The following DNMT1 variants were observed in gnomAD, a reference collection of about 807,000 sequenced individuals.
The protein encoded by DNMT1 is DNA methyltransferase 1, also known as DNA (cytosine-5)-methyltransferase 1.
DNMT1 carries 24 observed loss-of-function variants against 205.3 expected under a neutral mutation model. The ratio of observed to expected loss-of-function variants is 0.12; its 90% CI spans 0.08 to 0.16. The LOEUF is 0.16. DNMT1 is among the 10% of genes least tolerant of loss of function. The pLI, the probability that DNMT1 is intolerant of heterozygous loss-of-function variation, is 1.00. For synonymous variants in DNMT1, 817 were observed against 839.8 expected, an observed-to-expected ratio of 0.97 and a Z score of 0.47; for missense variants, 1,293 against 2,177.7, an observed-to-expected ratio of 0.59 and a Z score of 8.09.
intron 11 of DNMT1, 23 bp from the exon 12 acceptor site, chr19:10,163,383 G>A: frequency 6.2e-7 from 1 of 1,612,990 alleles, no homozygotes; most frequent in South Asian, 1.1e-5. Context: ...TAAGGGGGAG[G>A]TAGAGAGATA....
chr19:10,191,380 A>C (rs975060513), intron 1 of DNMT1, among the ~76,000 whole-genome samples: 2 of 151,156 alleles, frequency 1.3e-5, no homozygotes, highest in African/African-American at 4.9e-5. Context: ...AAAAAAAAAA[A>C]GTCTGTGGAG....
chr19:10,186,838 C>CAAAAAAAAAAAAAAAAAAAAAAAAAAAAA (rs35238334), intron 1 of DNMT1, among the ~76,000 whole-genome samples: 3 of 70,688 alleles, frequency 4.2e-5, no homozygotes, highest in Admixed American at 1.8e-4. Flanking sequence ...AACTCCGTCT[C>CAAAAAAAAAAAAAAAAAAAAAAAAAAAAA]AAAAAAAAAA....
At chr19:10,177,492 T>C in intron 5 of DNMT1, 125 bp from the exon 6 acceptor site, 2 of 924,096 alleles carry the variant, frequency 2.2e-6, no homozygotes, top group Non-Finnish European at 3.3e-6. Context: ...GGACTAAGCA[T>C]CTTTGCATTT....
At chr19:10,194,078 C>T (rs2039354987) in intron 1 of DNMT1, among the ~76,000 whole-genome samples, 1 of 152,206 alleles carries the variant, frequency 6.6e-6, no homozygotes, top group Non-Finnish European at 1.5e-5. Flanking sequence ...AGCAAGACTT[C>T]CCTGATGCCC....
In DNMT1 at chr19:10,138,593, C is replaced by T. The variant is rs1197552228; in HGVS notation, c.3961G>A (p.Gly1321Ser). Residue 1321 changes from glycine to serine, a missense_variant, in exon 35 of 41, where the codon GGC becomes AGC. Transcript: ENST00000359526. The surrounding 1 kb of genome is among the most constrained non-coding windows in gnomAD (Gnocchi z 4.1). Reference sequence around the variant, plus strand: ...GCCCGCCTCCTAGTCTGGGCCACGCCGTACTGACCGGCCTGTGGGGGAGAA... The same window carrying T: ...GCCCGCCTCCTAGTCTGGGCCACGCTGTACTGACCGGCCTGTGGGGGAGAA... ...TFGVLQAGQYGVAQTRRRAII... is the reference protein window; with the variant it reads ...TFGVLQAGQYSVAQTRRRAII... The T allele has an allele frequency of 4.4e-6, 7 of 1,604,554 alleles. No individual in the cohort carries two copies. Among genetic ancestry groups the T allele is most frequent in the East Asian group, 2.2e-5 (1 of 44,894 alleles).
chr19:10,139,132 G>A (rs888636048), intron 34 of DNMT1, among the ~76,000 whole-genome samples: 7 of 152,208 alleles, frequency 4.6e-5, no homozygotes, highest in Non-Finnish European at 1.0e-4. Context: ...ATACAGAGAG[G>A]ATGGGGGATG....
chr19:10,167,836 T>A (rs1277001748), intron 10 of DNMT1, among the ~76,000 whole-genome samples: 1 of 152,080 alleles, frequency 6.6e-6, no homozygotes, highest in Non-Finnish European at 1.5e-5. Context: ...GCCCTGGGGT[T>A]GGGAGGAGAA....
chr19:10,180,950 A>C, intron 2 of DNMT1, 65 bp from the exon 3 acceptor site: 1 of 1,346,358 alleles, frequency 7.4e-7, no homozygotes, highest in South Asian at 1.2e-5. Flanking sequence ...GGACTAATAC[A>C]CAAATTATTG....
At chr19:10,142,334 T>C in intron 29 of DNMT1, 114 bp from the exon 30 acceptor site, 1 of 1,441,268 alleles carries the variant, frequency 6.9e-7, no homozygotes. Flanking sequence ...GACCCCCTAG[T>C]TCGAGAACCG....
chr19:10,136,169 G>C lies in DNMT1; in HGVS notation c.4608C>G (p.Asp1536Glu). 1 of 1,614,114 alleles carries C rather than the reference G, an allele frequency of 6.2e-7. No homozygotes were observed. Among genetic ancestry groups the C allele is most frequent in the Non-Finnish European group, 8.5e-7 (1 of 1,180,046 alleles). Residue 1536 changes from aspartate (D) to glutamate (E), a missense_variant, in exon 38 of 41, where the codon GAC becomes GAG. This residue lies in a region of DNMT1 where 5 missense variants were observed against 55.7 expected (regional missense o/e 0.09). Transcript: ENST00000359526. ...TGGTGACGGTTGTGCTGAAGAAGCCGTCCCACTCGAGCCTTCCATAGAGGC... is the reference window on the plus strand; with the variant it reads ...TGGTGACGGTTGTGCTGAAGAAGCCCTCCCACTCGAGCCTTCCATAGAGGC... ...WAGLYGRLEW[D>E]GFFSTTVTNP... is the part of the protein sequence containing the mutation.
Position 10,180,210 on chromosome 19 carries a change from G to A in DNMT1, c.470C>T (p.Ala157Val), listed in dbSNP as rs754419505. ...ACCTCTAATCCCAGTTACTTGGGAG[G>A]CTGAGGCAGGAGGGTCTCTTGAACC... is the stretch of plus-strand genomic sequence containing the variant. ...AKRSRDPPAS[A>V]SQVTGIRAEP... Residue 157 changes from alanine (A) to valine (V), a missense_variant, in exon 5 of 41, where the codon GCC becomes GTC. By Grantham distance (64) the Ala-to-Val change is moderately conservative. Coordinates refer to ENST00000359526, the MANE Select transcript of DNMT1 (RefSeq NM_001130823.3). 13 of 1,001,626 alleles carry A rather than the reference G, an allele frequency of 1.3e-5. No homozygotes were observed. The East Asian group carries it at 3.4e-4, about 26-fold the overall frequency. 62.0% of individuals were successfully genotyped at this position (1,001,626 alleles called of 1,614,324 possible). A position where few individuals can be genotyped will look rare whatever the true frequency, so the allele number is the denominator to read the frequency against.
chr19:10,182,554 T>C (rs2039089172), intron 1 of DNMT1, among the ~76,000 whole-genome samples: 1 of 149,076 alleles, frequency 6.7e-6, no homozygotes, highest in African/African-American at 2.5e-5. Flanking sequence ...TATGTGTATA[T>C]ATATATACAC....
intron 10 of DNMT1, among the ~76,000 whole-genome samples, chr19:10,167,974 T>G (rs2038729705): frequency 1.3e-5 from 2 of 151,758 alleles, no homozygotes; most frequent in Admixed American, 1.3e-4. Flanking sequence ...AATACGAAAA[T>G]TAGTTGGGCA....
Position 10,137,512 on chromosome 19 carries a change from A to G in DNMT1, c.4294-232T>C. ...TAAGCTGAGCCTTTAGGGTGGGGGA[A>G]GGGGAGTGGTGCCAGGGGATGGTGA... On this transcript the variant is annotated intron_variant, in intron 36 of 40. Transcript: ENST00000359526. The surrounding 1 kb of genome is among the most constrained non-coding windows in gnomAD (Gnocchi z 6.4). 1 of 640,848 alleles carries G rather than the reference A, an allele frequency of 1.6e-6. No individual in the cohort carries two copies. Among genetic ancestry groups the G allele is most frequent in the Non-Finnish European group, 2.7e-6 (1 of 371,104 alleles). 39.7% of individuals were successfully genotyped at this position (640,848 alleles called of 1,614,324 possible).
chr19:10,137,746 C>T lies in DNMT1; in HGVS notation c.4293+86G>A. On this transcript the variant is annotated intron_variant, in intron 36 of 40. Transcript: ENST00000359526. The surrounding 1 kb of genome is among the most constrained non-coding windows in gnomAD (Gnocchi z 6.4). Reference sequence around the variant, plus strand: ...GAGCCTGGGATCAGATTCCATGTCTCCCCTGAGTCTTGGGCAGGCTGACTG... The same window carrying T: ...GAGCCTGGGATCAGATTCCATGTCTTCCCTGAGTCTTGGGCAGGCTGACTG... 3.3e-6 allele frequency: 5 copies of T among 1,532,084 alleles called. 1 individual carries two copies. The highest frequency in any genetic ancestry group is 2.4e-5 in the South Asian group (2 of 84,616). 94.9% of individuals were successfully genotyped at this position (1,532,084 alleles called of 1,614,324 possible).
Position 10,140,694 on chromosome 19 carries a change from G to A in DNMT1, c.3523+87C>T. 1 of 1,606,800 alleles carries A rather than the reference G, an allele frequency of 6.2e-7. No homozygotes were observed. Among genetic ancestry groups the A allele is most frequent in the Non-Finnish European group, 8.5e-7 (1 of 1,174,512 alleles). Reference sequence around the variant, plus strand: ...CGGAAGGAGATTCTTGAGTCAGGAAGGTGACCGGGGTTGGAAGTCGTTTCA... The same window carrying A: ...CGGAAGGAGATTCTTGAGTCAGGAAAGTGACCGGGGTTGGAAGTCGTTTCA... On this transcript the variant is annotated intron_variant, in intron 32 of 40. Transcript: ENST00000359526. The surrounding 1 kb of genome is among the most constrained non-coding windows in gnomAD (Gnocchi z 8.4).
chr19:10,174,972 T>C (rs1210922089), intron 7 of DNMT1, among the ~76,000 whole-genome samples: 2 of 151,320 alleles, frequency 1.3e-5, no homozygotes, highest in Non-Finnish European at 1.5e-5. Context: ...GGAGAATCAC[T>C]TGAACCCGGG....
At chr19:10,190,330 C>T (rs1360927585) in intron 1 of DNMT1, among the ~76,000 whole-genome samples, 2 of 152,106 alleles carry the variant, frequency 1.3e-5, no homozygotes, top group South Asian at 2.1e-4. Context: ...ACAGTGAATA[C>T]GGCAGACACG....
chr19:10,141,909 C>T (rs2089608174), intron 30 of DNMT1, 119 bp downstream of exon 30: 1 of 1,258,524 alleles, frequency 7.9e-7, no homozygotes, highest in Non-Finnish European at 1.1e-6. Context: ...CAGCCAACCA[C>T]CCACTTCTTA....
Sources: gnomAD v4.1 joint callset for allele counts (sites outside exome capture counted in the v4.1 genomes callset) on GRCh38, gnomAD v4.1.1 for gene constraint, gnomAD v4.1.1 regional missense constraint, Gnocchi (gnomAD v3.1) non-coding constraint, MANE v1.5 for transcripts, NCBI Gene and HGNC (gene_info 2026-07-23, HGNC 2026-07-21) for gene names.